CDK6: variants seen among roughly 807,000 people sequenced by gnomAD.
CDK6 encodes cyclin dependent kinase 6.
CDK6 carries 6 observed loss-of-function variants against 37.1 expected under a neutral mutation model. The ratio of observed to expected loss-of-function variants is 0.16; its 90% CI spans 0.09 to 0.32. The LOEUF is 0.32. Ranked by LOEUF, CDK6 falls within the 10% of genes least tolerant of loss-of-function variation. The probability of loss-of-function intolerance (pLI) is 1.00; values close to 1 mark genes in which losing one functional copy is unlikely to be tolerated. For missense variants in CDK6, 224 were observed against 418.9 expected, an observed-to-expected ratio of 0.53 and a Z score of 4.06; for synonymous variants, 160 against 161.3, an observed-to-expected ratio of 0.99 and a Z score of 0.06.
chr7:92,833,214 C>T lies in CDK6; in HGVS notation c.110G>A (p.Gly37Asp). The T allele has an allele frequency of 6.2e-7, 1 of 1,610,408 alleles. No homozygotes were observed. The highest frequency in any genetic ancestry group is 1.1e-5 in the South Asian group (1 of 90,258). Residue 37 changes from glycine to aspartate, a missense_variant, in exon 2 of 8, where the codon GGC (glycine) becomes GAC (aspartate). This residue lies in a region of CDK6 where 13 missense variants were observed against 43.8 expected (regional missense o/e 0.30). Transcript: ENST00000424848. This position sits in a 1 kb window ranked among gnomAD's most constrained non-coding sequence, Gnocchi z 6.1. ...CACGCGCTTCAACGCCACGAAACGG[C>T]CTCCGTTCTTCAAGTCGCGGGCCTT... ...VFKARDLKNGGRFVALKRVRV... is the reference protein window; with the variant it reads ...VFKARDLKNGDRFVALKRVRV...
chr7:92,696,782 T>C (rs1159389410), intron 4 of CDK6, among the ~76,000 whole-genome samples: 1 of 152,222 alleles, frequency 6.6e-6, no homozygotes, highest in Non-Finnish European at 1.5e-5. Flanking sequence ...GGGTCATGAA[T>C]TGTGCAATTC....
intron 4 of CDK6, among the ~76,000 whole-genome samples, chr7:92,679,908 A>C (rs914828527): frequency 6.6e-6 from 1 of 151,640 alleles, no homozygotes; most frequent in African/African-American, 2.4e-5. Context: ...TTTTAGAGAC[A>C]GAGTTTCGCC....
chr7:92,635,071 G>T (rs986365400), intron 5 of CDK6, among the ~76,000 whole-genome samples: 1 of 152,128 alleles, frequency 6.6e-6, no homozygotes, highest in Non-Finnish European at 1.5e-5. Flanking sequence ...GTGCTCAGAG[G>T]GATGACTCAT....
At chr7:92,814,865 A>G (rs1272136587) in intron 2 of CDK6, among the ~76,000 whole-genome samples, 1 of 151,960 alleles carries the variant, frequency 6.6e-6, no homozygotes, top group Non-Finnish European at 1.5e-5. Context: ...TTCTATTTTT[A>G]GGTATTTTGT....
intron 5 of CDK6, among the ~76,000 whole-genome samples, chr7:92,631,114 C>T (rs1215470975): frequency 6.6e-6 from 1 of 152,112 alleles, no homozygotes; most frequent in Admixed American, 6.5e-5. Flanking sequence ...AAAGCTTTAC[C>T]AGGGAATTCG....
rs369096408 is a variant in CDK6 at position 92,617,781 on chromosome 7, CAT to C, written c.834+289_834+290del. ...AACATAATATTTACTTCTAAAGAAACATATGTCAAAGTGAATCGAGAGGCTTC... is the reference window on the plus strand; with the variant it reads ...AACATAATATTTACTTCTAAAGAAACATGTCAAAGTGAATCGAGAGGCTTC... On this transcript the variant is annotated intron_variant, in intron 7 of 7. Coordinates refer to ENST00000424848, the MANE Select transcript of CDK6 (RefSeq NM_001145306.2). Among the ~76,000 whole-genome samples the C allele has an allele frequency of 5.8e-3, 889 of 152,286 alleles. 8 individuals carry two copies. Among genetic ancestry groups the C allele is most frequent in the African/African-American group, 0.021 (857 of 41,560 alleles).
intron 3 of CDK6, among the ~76,000 whole-genome samples, chr7:92,768,627 C>T (rs1799640486): frequency 6.6e-6 from 1 of 152,140 alleles, no homozygotes; most frequent in Admixed American, 6.5e-5. Flanking sequence ...CTTCCAAGAT[C>T]TTTATCATTA....
chr7:92,663,581 G>A (rs953143113), intron 5 of CDK6, among the ~76,000 whole-genome samples: 3 of 151,832 alleles, frequency 2.0e-5, no homozygotes, highest in Admixed American at 6.6e-5. Flanking sequence ...TGTGCCTGTA[G>A]TCCCAGCTAC....
chr7:92,717,609 A>C (rs1798261726), intron 4 of CDK6, among the ~76,000 whole-genome samples: 1 of 152,222 alleles, frequency 6.6e-6, no homozygotes, highest in Non-Finnish European at 1.5e-5. Context: ...GGAAAAAAGC[A>C]AGGAACTTCT....
intron 2 of CDK6, among the ~76,000 whole-genome samples, chr7:92,800,400 T>A (rs1238295676): frequency 6.6e-6 from 1 of 152,228 alleles, no homozygotes; most frequent in Non-Finnish European, 1.5e-5. Flanking sequence ...GTTCTTCTCT[T>A]GTTTGGAGCC....
chr7:92,661,360 G>A (rs541101751), intron 5 of CDK6, among the ~76,000 whole-genome samples: 2 of 152,158 alleles, frequency 1.3e-5, no homozygotes, highest in East Asian at 1.9e-4. Flanking sequence ...GCTGACCCTC[G>A]AACAACATGG....
At chr7:92,689,329 T>C (rs1183545623) in intron 4 of CDK6, among the ~76,000 whole-genome samples, 44 of 152,236 alleles carry the variant, frequency 2.9e-4, no homozygotes, top group Non-Finnish European at 1.0e-4. Context: ...CTACTACTTG[T>C]AAGTGAGAAC....
At chr7:92,789,523 G>A (rs1468138258) in intron 2 of CDK6, among the ~76,000 whole-genome samples, 1 of 152,132 alleles carries the variant, frequency 6.6e-6, no homozygotes, top group East Asian at 1.9e-4. Context: ...AGAAAGGACA[G>A]AACTGTACAG....
At chr7:92,816,466 T>C (rs2115962602) in intron 2 of CDK6, among the ~76,000 whole-genome samples, 1 of 152,228 alleles carries the variant, frequency 6.6e-6, no homozygotes, top group Non-Finnish European at 1.5e-5. Context: ...ACAGAATTGT[T>C]CTCTGATCAC....
At chr7:92,668,843 G>A (rs1797014741) in intron 5 of CDK6, among the ~76,000 whole-genome samples, 1 of 152,176 alleles carries the variant, frequency 6.6e-6, no homozygotes, top group Non-Finnish European at 1.5e-5. Context: ...CCCTAGGAGG[G>A]ATGGTATGAT....
At chr7:92,657,300 A>G (rs549397026) in intron 5 of CDK6, among the ~76,000 whole-genome samples, 1 of 152,296 alleles carries the variant, frequency 6.6e-6, no homozygotes, top group East Asian at 1.9e-4. Context: ...TTCCTATTGT[A>G]AGCAGCTGAT....
chr7:92,671,296 G>T, intron 5 of CDK6, 130 bp downstream of exon 5: 1 of 512,180 alleles, frequency 2.0e-6, no homozygotes, highest in Non-Finnish European at 3.3e-6. Context: ...GCTTGCAAGT[G>T]GTAGCCTGGG....
chr7:92,716,063 G>C (rs1798223442), intron 4 of CDK6, among the ~76,000 whole-genome samples: 1 of 152,188 alleles, frequency 6.6e-6, no homozygotes. Context: ...CAGAGCTCAA[G>C]TTATTATCAA....
At chr7:92,802,778 T>C (rs577944909) in intron 2 of CDK6, among the ~76,000 whole-genome samples, 24 of 152,310 alleles carry the variant, frequency 1.6e-4, no homozygotes, top group Admixed American at 5.9e-4. Flanking sequence ...TTCTCAACCA[T>C]GGAGCTATTG....
Sources: allele counts gnomAD v4.1 joint callset (sites outside exome capture counted in the v4.1 genomes callset), GRCh38; gene constraint gnomAD v4.1.1; regional missense constraint gnomAD v4.1.1; non-coding constraint Gnocchi (gnomAD v3.1); transcripts MANE v1.5; gene names NCBI Gene and HGNC (gene_info 2026-07-23, HGNC 2026-07-21).